The following RAP1GAP2 variants were observed in gnomAD, a reference collection of about 807,000 sequenced individuals.
RAP1GAP2 encodes rap1 GTPase-activating protein 2.
Under a neutral mutation model 95.0 loss-of-function variants are expected in RAP1GAP2, and 27 were observed. The ratio of observed to expected loss-of-function variants is 0.28; its 90% confidence interval spans 0.21 to 0.39. The LOEUF is 0.39. RAP1GAP2 is among the 10% of genes least tolerant of loss of function. RAP1GAP2 has a pLI of 1.00. For synonymous variants in RAP1GAP2, 373 were observed against 380.9 expected (o/e 0.98, Z 0.24); for missense variants, 771 against 970.0 (o/e 0.79, Z 2.72).
chr17:2,827,591 TGA>T lies in RAP1GAP2; in HGVS notation c.80+27043_80+27044del, dbSNP rs577758941. On this transcript the variant is annotated intron_variant, in intron 2 of 24. Coordinates refer to ENST00000254695, the MANE Select transcript of RAP1GAP2 (RefSeq NM_015085.5). The surrounding 1 kb of genome is among the most constrained non-coding windows in gnomAD (Gnocchi z 4.1). The stretch of plus-strand genomic sequence containing the variant: ...GGGAGGCCAAGGCGGGTGGATCACC[TGA>T]GGTCAGGGGTTCAAGACCAGCCTGG... 2.4e-3 allele frequency among the ~76,000 whole-genome samples: 368 copies of T among 152,104 alleles called. No individual in the cohort carries two copies. Among genetic ancestry groups the T allele is most frequent in the African/African-American group, 8.4e-3 (350 of 41,504 alleles).
At chr17:2,932,046 C>T (rs1480274517) in intron 3 of RAP1GAP2, among the ~76,000 whole-genome samples, 1 of 152,208 alleles carries the variant, frequency 6.6e-6, no homozygotes, top group Non-Finnish European at 1.5e-5. Context: ...ACCTGCTCTG[C>T]ACTAGGCCAG....
Position 2,940,595 on chromosome 17 carries a change from A to T in RAP1GAP2, c.166-17164A>T, listed in dbSNP as rs540423780. 1.9e-4 allele frequency among the ~76,000 whole-genome samples: 29 copies of T among 152,298 alleles called. 1 individual carries two copies. In the South Asian group the frequency reaches 5.8e-3, roughly 30 times the overall value. ...ACTCTGTGTCCTGTCACGGAGCCTC[A>T]GAGTGTGGTTAGTGTGAGGCCCAGC... On this transcript the variant is annotated intron_variant, in intron 3 of 24. Coordinates refer to ENST00000254695, the MANE Select transcript of RAP1GAP2 (RefSeq NM_015085.5).
chr17:2,907,953 C>T (rs969147128), intron 3 of RAP1GAP2, among the ~76,000 whole-genome samples: 11 of 152,000 alleles, frequency 7.2e-5, no homozygotes, highest in South Asian at 2.1e-4. Flanking sequence ...ATTACAGGTG[C>T]GTGCCACCAC....
At chr17:2,803,118 C>T (rs2069369734) in intron 2 of RAP1GAP2, among the ~76,000 whole-genome samples, 1 of 151,934 alleles carries the variant, frequency 6.6e-6, no homozygotes, top group Admixed American at 6.6e-5. Flanking sequence ...CGAGGGAGGG[C>T]CTGTTTGTAA....
At chr17:3,030,534 G>A (rs2047259281) in intron 22 of RAP1GAP2, among the ~76,000 whole-genome samples, 1 of 152,128 alleles carries the variant, frequency 6.6e-6, no homozygotes, top group Non-Finnish European at 1.5e-5. Context: ...CGTGGACTTG[G>A]GAAGAAGATA....
intron 2 of RAP1GAP2, among the ~76,000 whole-genome samples, chr17:2,895,345 A>G (rs1416382076): frequency 6.6e-6 from 1 of 152,084 alleles, no homozygotes; most frequent in Non-Finnish European, 1.5e-5. Context: ...GCAGTGTAGC[A>G]CCGTGGTAAA....
At chr17:3,010,397 T>G (rs1243056741) in intron 17 of RAP1GAP2, among the ~76,000 whole-genome samples, 1 of 151,046 alleles carries the variant, frequency 6.6e-6, no homozygotes, top group Admixed American at 6.6e-5. Flanking sequence ...CAACATAATG[T>G]TGTATTTTGT....
Position 3,027,191 on chromosome 17 carries a change from G to C in RAP1GAP2, c.2107+121G>C. ...TTTTCACCCCTCCTCCCAGCTGTGAGGCCCTCCGCTCTGTGCGCCCGCCTC... is the reference window on the plus strand; with the variant it reads ...TTTTCACCCCTCCTCCCAGCTGTGACGCCCTCCGCTCTGTGCGCCCGCCTC... On this transcript the variant is annotated intron_variant, in intron 22 of 24. Transcript: ENST00000254695. This position sits in a 1 kb window ranked among gnomAD's most constrained non-coding sequence, Gnocchi z 5.2. The C allele has an allele frequency of 6.2e-6, 8 of 1,299,954 alleles. No individual in the cohort carries two copies. Among genetic ancestry groups the C allele is most frequent in the Non-Finnish European group, 8.3e-6 (8 of 966,432 alleles). 80.5% of individuals were successfully genotyped at this position (1,299,954 alleles called of 1,614,324 possible). A position where few individuals can be genotyped will look rare whatever the true frequency, so the allele number is the denominator to read the frequency against.
In RAP1GAP2 at chr17:3,005,661, T is replaced by C. The variant is rs1033422224; in HGVS notation, c.1272+221T>C. ...CTTGTCAGGGTGTTTGACACTGGGGTTGCTTTTCTGCTGAAAGACGGGCTT... is the reference window on the plus strand; with the variant it reads ...CTTGTCAGGGTGTTTGACACTGGGGCTGCTTTTCTGCTGAAAGACGGGCTT... On this transcript the variant is annotated intron_variant, in intron 15 of 24. Transcript: ENST00000254695. The surrounding 1 kb of genome is among the most constrained non-coding windows in gnomAD (Gnocchi z 5.2). 9.2e-5 allele frequency among the ~76,000 whole-genome samples: 14 copies of C among 152,172 alleles called. No individual in the cohort carries two copies. In the East Asian group the frequency reaches 2.5e-3, roughly 27 times the overall value.
Position 2,797,501 on chromosome 17 carries a change from G to A in RAP1GAP2, c.44+930G>A. On this transcript the variant is annotated intron_variant, in intron 1 of 24. Coordinates refer to ENST00000254695, the MANE Select transcript of RAP1GAP2 (RefSeq NM_015085.5). This position sits in a 1 kb window ranked among gnomAD's most constrained non-coding sequence, Gnocchi z 5.6. The stretch of plus-strand genomic sequence containing the variant: ...AGAGGGCCCCGCGGGAGGTGGCCGG[G>A]GGGTGTCCCGGTGTGGAAAATGGTG... 6.6e-6 allele frequency among the ~76,000 whole-genome samples: 1 copy of A among 152,080 alleles called. No individual in the cohort carries two copies. The highest frequency in any genetic ancestry group is 6.5e-5 in the Admixed American group (1 of 15,280).
chr17:2,797,249 C>G lies in RAP1GAP2; in HGVS notation c.44+678C>G, dbSNP rs1031381364. 1.3e-5 allele frequency among the ~76,000 whole-genome samples: 2 copies of G among 152,186 alleles called. No homozygotes were observed. Among genetic ancestry groups the G allele is most frequent in the African/African-American group, 4.8e-5 (2 of 41,456 alleles). ...CTAGCCTGAGCAGCTGCATCTGTCCCCAGCCTCCTGCCTGGCCCTCTGGAC... is the reference window on the plus strand; with the variant it reads ...CTAGCCTGAGCAGCTGCATCTGTCCGCAGCCTCCTGCCTGGCCCTCTGGAC... On this transcript the variant is annotated intron_variant, in intron 1 of 24. Transcript: ENST00000254695. The surrounding 1 kb of genome is among the most constrained non-coding windows in gnomAD (Gnocchi z 5.6).
At chr17:3,030,770 G>C (rs1224370175) in intron 22 of RAP1GAP2, among the ~76,000 whole-genome samples, 152 bp from the exon 23 acceptor site, 1 of 152,068 alleles carries the variant, frequency 6.6e-6, no homozygotes, top group Admixed American at 6.5e-5. Context: ...TCTAGGAGTT[G>C]GCTCTCGTGG....
At chr17:2,853,947 G>T (rs938387751) in intron 2 of RAP1GAP2, 95 of 982,696 alleles carry the variant, frequency 9.7e-5, no homozygotes, top group Non-Finnish European at 1.1e-4. Flanking sequence ...CGGAGCCGGG[G>T]CTGCGGGGAC....
intron 2 of RAP1GAP2, among the ~76,000 whole-genome samples, chr17:2,833,428 C>T (rs548224077): frequency 7.1e-4 from 108 of 152,104 alleles, no homozygotes; most frequent in South Asian, 3.9e-3. Context: ...TGAGCCACCG[C>T]GCCTGGCCTG....
At chr17:2,995,612 C>T (rs954024153) in intron 13 of RAP1GAP2, 146 bp downstream of exon 13, 27 of 1,194,580 alleles carry the variant, frequency 2.3e-5, no homozygotes, top group Admixed American at 9.7e-5. Flanking sequence ...CGTCACAGTC[C>T]GTTCTGCTGT....
upstream of RAP1GAP2, among the ~76,000 whole-genome samples, chr17:2,773,096 C>T (rs765466860): frequency 1.2e-4 from 18 of 152,168 alleles, no homozygotes; most frequent in Middle Eastern, 0.01. Context: ...CGAACTCCTC[C>T]CAGAGTGCTG....
chr17:2,795,567 G>C (rs2069051474), upstream of RAP1GAP2, among the ~76,000 whole-genome samples: 1 of 152,238 alleles, frequency 6.6e-6, no homozygotes. Context: ...CCACTGCTCT[G>C]ACCTCTGTCT....
intron 2 of RAP1GAP2, among the ~76,000 whole-genome samples, chr17:2,886,735 G>A (rs1165154001): frequency 6.6e-6 from 1 of 152,160 alleles, no homozygotes; most frequent in Non-Finnish European, 1.5e-5. Context: ...CCAGCAGACG[G>A]CTTGATGAAT....
intron 8 of RAP1GAP2, among the ~76,000 whole-genome samples, chr17:2,976,211 A>G (rs1194649146): frequency 6.6e-6 from 1 of 152,252 alleles, no homozygotes; most frequent in East Asian, 1.9e-4. Context: ...GGAAGACTTG[A>G]AAGATACAGT....
Sources: allele counts gnomAD v4.1 joint callset (sites outside exome capture counted in the v4.1 genomes callset), GRCh38; gene constraint gnomAD v4.1.1; non-coding constraint Gnocchi (gnomAD v3.1); transcripts MANE v1.5; gene names NCBI Gene and HGNC (gene_info 2026-07-23, HGNC 2026-07-21).